EYS: variants seen among roughly 807,000 people sequenced by gnomAD.
EYS encodes the protein EGF-like photoreceptor maintenance factor.
A neutral mutation model predicts 282.1 loss-of-function variants in EYS; 250 were observed. The ratio of observed to expected loss-of-function variants is 0.89; its 90% CI spans 0.80 to 0.98. The LOEUF (loss-of-function observed/expected upper bound fraction) is 0.98, where lower values mean the gene tolerates loss of function less well. Among genes scored for constraint, EYS ranks in the 50% least tolerant of loss-of-function variants. EYS has a pLI of 0.00. For synonymous variants in EYS, 1,355 were observed against 1,282.9 expected (o/e 1.06, Z -1.20); for missense variants, 4,016 against 3,709.0 (o/e 1.08, Z -2.15).
intron 18 of EYS, among the ~76,000 whole-genome samples, chr6:64,900,257 A>G (rs1767614116): frequency 1.3e-5 from 2 of 152,212 alleles, no homozygotes; most frequent in Admixed American, 1.3e-4. Context: ...TTAAAACGTA[A>G]GATCTAAACT....
At chr6:65,652,801 C>G (rs191335263) in intron 1 of EYS, among the ~76,000 whole-genome samples, 1 of 151,916 alleles carries the variant, frequency 6.6e-6, no homozygotes, top group Non-Finnish European at 1.5e-5. Context: ...TCAACATGAG[C>G]TTAGTTTAAT....
intron 36 of EYS, among the ~76,000 whole-genome samples, chr6:63,845,311 G>A (rs1772068970): frequency 6.6e-6 from 1 of 152,052 alleles, no homozygotes; most frequent in African/African-American, 2.4e-5. Context: ...TGTTCTCAAA[G>A]TATAGAGCCT....
chr6:64,366,225 G>A (rs1314526290), intron 29 of EYS, among the ~76,000 whole-genome samples: 1 of 151,970 alleles, frequency 6.6e-6, no homozygotes, highest in Non-Finnish European at 1.5e-5. Context: ...AACATTTTAG[G>A]ACTCCCCAAA....
intron 5 of EYS, among the ~76,000 whole-genome samples, chr6:65,453,741 T>C (rs1280477311): frequency 3.3e-5 from 5 of 151,960 alleles, no homozygotes; most frequent in Non-Finnish European, 7.4e-5. Context: ...ATCAACTTCT[T>C]TTATTTTAGA....
chr6:63,843,279 C>T (rs1266303550), intron 36 of EYS, among the ~76,000 whole-genome samples: 4 of 151,982 alleles, frequency 2.6e-5, no homozygotes, highest in African/African-American at 9.7e-5. Context: ...CCTCTTATTT[C>T]CTTGAGCAGT....
chr6:64,708,066 A>G (rs1195691899), intron 22 of EYS, among the ~76,000 whole-genome samples: 1 of 152,210 alleles, frequency 6.6e-6, no homozygotes, highest in Non-Finnish European at 1.5e-5. Flanking sequence ...ACAAATGAAG[A>G]CATACCCTTT....
chr6:64,527,808 T>C (rs1409031995), intron 26 of EYS, among the ~76,000 whole-genome samples: 2 of 151,776 alleles, frequency 1.3e-5, no homozygotes, highest in African/African-American at 2.4e-5. Flanking sequence ...ATTTTACCTA[T>C]AGCTCCAATA....
intron 5 of EYS, among the ~76,000 whole-genome samples, chr6:65,430,825 A>G (rs1377389514): frequency 2.0e-5 from 3 of 152,164 alleles, no homozygotes; most frequent in Non-Finnish European, 4.4e-5. Context: ...CAGTCCTGGC[A>G]GCATTCATTA....
At chr6:65,395,125 G>A (rs145355235) in intron 7 of EYS, among the ~76,000 whole-genome samples, 173 of 152,298 alleles carry the variant, frequency 1.1e-3, no homozygotes, top group African/African-American at 4.0e-3. Context: ...GTGCAATGGC[G>A]CGATCTTAGC....
At chr6:65,159,536 G>T (rs1248557909) in intron 12 of EYS, among the ~76,000 whole-genome samples, 1 of 150,768 alleles carries the variant, frequency 6.6e-6, no homozygotes, top group Non-Finnish European at 1.5e-5. Flanking sequence ...TTGAGCACAC[G>T]TTCAAAATAG....
intron 35 of EYS, among the ~76,000 whole-genome samples, chr6:63,930,085 C>A (rs891826284): frequency 1.3e-5 from 2 of 152,114 alleles, no homozygotes; most frequent in Non-Finnish European, 2.9e-5. Flanking sequence ...CTTCTGTTTT[C>A]CGCCAGTTCC....
chr6:65,589,001 T>C (rs186920834), intron 2 of EYS, among the ~76,000 whole-genome samples: 9 of 152,166 alleles, frequency 5.9e-5, no homozygotes, highest in African/African-American at 1.9e-4. Context: ...ATAGTCATCA[T>C]TCTTTAAAAG....
chr6:64,960,251 A>G (rs1252509369), intron 14 of EYS, among the ~76,000 whole-genome samples: 1 of 152,128 alleles, frequency 6.6e-6, no homozygotes, highest in Non-Finnish European at 1.5e-5. Context: ...GAACAATAAA[A>G]GTAATCTTTG....
intron 12 of EYS, among the ~76,000 whole-genome samples, chr6:65,168,468 C>T (rs77007419): frequency 0.043 from 6,443 of 151,322 alleles, 197 homozygotes; most frequent in Middle Eastern, 0.065. Context: ...AGGCCTCCTT[C>T]CTATCTCTTC....
At chr6:65,509,904 G>A (rs1311387195) in intron 2 of EYS, among the ~76,000 whole-genome samples, 1 of 151,956 alleles carries the variant, frequency 6.6e-6, no homozygotes, top group Non-Finnish European at 1.5e-5. Flanking sequence ...CCTCCTATCA[G>A]CATCATTCTG....
At chr6:65,017,926 G>C (rs747442090) in intron 13 of EYS, among the ~76,000 whole-genome samples, 2 of 152,138 alleles carry the variant, frequency 1.3e-5, no homozygotes, top group African/African-American at 2.4e-5. Context: ...ACCCAAGCTT[G>C]AATCTCAAGC....
chr6:64,811,655 T>C (rs748230611), intron 22 of EYS, among the ~76,000 whole-genome samples: 2 of 152,084 alleles, frequency 1.3e-5, no homozygotes, highest in Non-Finnish European at 2.9e-5. Context: ...CTGGGTACAG[T>C]GGTTGTCAGA....
At chr6:65,057,568 TA>T in intron 13 of EYS, 45 bp downstream of exon 13, 1 of 1,176,252 alleles carries the variant, frequency 8.5e-7, no homozygotes, top group African/African-American at 1.5e-5. Flanking sequence ...AAGTGCTTTT[TA>T]AAGTTAATTA....
intron 22 of EYS, among the ~76,000 whole-genome samples, chr6:64,664,077 G>T (rs9345360): frequency 6.6e-6 from 1 of 152,026 alleles, no homozygotes; most frequent in Admixed American, 6.5e-5. Flanking sequence ...TGCAACGCAG[G>T]GATCAGTAGT....
Sources: allele counts gnomAD v4.1 joint callset (sites outside exome capture counted in the v4.1 genomes callset), GRCh38; gene constraint gnomAD v4.1.1; transcripts MANE v1.5; gene names NCBI Gene and HGNC (gene_info 2026-07-23, HGNC 2026-07-21).